The following LRCH3 variants were observed in gnomAD, a reference collection of about 807,000 sequenced individuals.
The protein encoded by LRCH3 is DISP complex protein LRCH3.
LRCH3 carries 68 observed loss-of-function variants against 104.5 expected under a neutral mutation model. That is an observed-to-expected ratio of 0.65 (90% confidence interval 0.54 to 0.80). The LOEUF (loss-of-function observed/expected upper bound fraction) is 0.80. Among genes scored for constraint, LRCH3 ranks in the 30% least tolerant of loss-of-function variants. The probability of loss-of-function intolerance (pLI) is 0.00; values close to 1 mark genes in which losing one functional copy is unlikely to be tolerated. For synonymous variants in LRCH3, 344 were observed against 361.3 expected (o/e 0.95, Z 0.54); for missense variants, 951 against 953.9 (o/e 1.00, Z 0.04).
intron 4 of LRCH3, among the ~76,000 whole-genome samples, chr3:197,824,209 C>T (rs551828219): frequency 4.9e-4 from 75 of 152,004 alleles, no homozygotes; most frequent in African/African-American, 1.7e-3. Flanking sequence ...GAATTACAGG[C>T]GCCCGCCACC....
At position 197,885,872 on chromosome 3, in the gene LRCH3, T is replaced by C. The variant is rs148435903; in HGVS notation, c.*2206T>C. 7 of 152,382 alleles carry C rather than the reference T, an allele frequency of 4.6e-5. No individual in the cohort carries two copies. Among genetic ancestry groups the C allele is most frequent in the African/African-American group, 1.7e-4 (7 of 41,600 alleles). The allele number at this position is 152,382 out of a possible 1,614,324, so 9.4% of individuals were successfully genotyped here. On this transcript the variant is annotated 3_prime_UTR_variant, in exon 21 of 21. Coordinates refer to ENST00000425562, the MANE Select transcript of LRCH3 (RefSeq NM_001365715.1). ...TAGTTGTTAACTGTTCTGGATTTTCTTTACAATGCATCCATTTGGGCATAA... is the reference window on the plus strand; with the variant it reads ...TAGTTGTTAACTGTTCTGGATTTTCCTTACAATGCATCCATTTGGGCATAA...
chr3:197,812,154 C>A (rs1037616581), intron 1 of LRCH3, among the ~76,000 whole-genome samples: 4 of 152,182 alleles, frequency 2.6e-5, no homozygotes, highest in Non-Finnish European at 5.9e-5. Context: ...CAGACTGCAA[C>A]ACTGTATGCG....
intron 17 of LRCH3, 71 bp downstream of exon 17, chr3:197,866,290 T>A (rs1400154582): frequency 9.3e-7 from 1 of 1,081,058 alleles, no homozygotes; most frequent in South Asian, 1.3e-5. Flanking sequence ...GTTAGATGGA[T>A]GCTTTTAAAC....
intron 1 of LRCH3, among the ~76,000 whole-genome samples, chr3:197,805,595 C>G (rs1732390463): frequency 6.6e-6 from 1 of 150,652 alleles, no homozygotes; most frequent in South Asian, 2.1e-4. Flanking sequence ...AGCCGACATG[C>G]AGAATGGTAA....
chr3:197,867,582 G>A (rs1711509216), intron 17 of LRCH3, among the ~76,000 whole-genome samples: 1 of 151,858 alleles, frequency 6.6e-6, no homozygotes, highest in Non-Finnish European at 1.5e-5. Flanking sequence ...GGCTGGGTGC[G>A]GTGGCTCACA....
chr3:197,864,513 G>A (rs1273298014), intron 15 of LRCH3, among the ~76,000 whole-genome samples: 3 of 148,678 alleles, frequency 2.0e-5, no homozygotes, highest in African/African-American at 5.2e-5. Context: ...GGGAGGCTGA[G>A]GCAGGAGAAT....
intron 10 of LRCH3, among the ~76,000 whole-genome samples, chr3:197,847,088 C>T (rs566084226): frequency 1.3e-5 from 2 of 152,086 alleles, no homozygotes; most frequent in South Asian, 4.2e-4. Flanking sequence ...ATGGTGGTAA[C>T]GAAGATAATA....
chr3:197,880,113 T>C (rs536369895), intron 20 of LRCH3, among the ~76,000 whole-genome samples: 119 of 150,922 alleles, frequency 7.9e-4, no homozygotes, highest in African/African-American at 2.8e-3. Context: ...GCCCGGCTAA[T>C]TTTTTGTATT....
intron 6 of LRCH3, 143 bp downstream of exon 6, chr3:197,829,816 G>C (rs1006807971): frequency 1.6e-6 from 1 of 633,626 alleles, no homozygotes; most frequent in Non-Finnish European, 2.7e-6. Flanking sequence ...GTATTGTAAA[G>C]TTGATTACCT....
chr3:197,831,318 GT>G (rs1735906019), intron 7 of LRCH3: 1 of 153,014 alleles, frequency 6.5e-6, no homozygotes, highest in South Asian at 2.0e-4. Context: ...TTGATATTAT[GT>G]TTTCTGCTCT....
chr3:197,879,539 G>C (rs540747688), intron 20 of LRCH3, among the ~76,000 whole-genome samples: 7 of 151,840 alleles, frequency 4.6e-5, no homozygotes, highest in East Asian at 3.8e-4. Flanking sequence ...CCAGCTGCTC[G>C]GGAGGCTGAG....
At chr3:197,798,164 G>C (rs1259452457) in intron 1 of LRCH3, among the ~76,000 whole-genome samples, 1 of 152,148 alleles carries the variant, frequency 6.6e-6, no homozygotes, top group African/African-American at 2.4e-5. Context: ...GGGAAGCTGA[G>C]GTGGGAGAAT....
At position 197,866,214 on chromosome 3, in the gene LRCH3, A is replaced by G; in HGVS notation, c.1868A>G (p.Asn623Ser). 3 of 1,612,604 alleles carry G rather than the reference A, an allele frequency of 1.9e-6. No homozygotes were observed. Among genetic ancestry groups the G allele is most frequent in the Non-Finnish European group, 2.5e-6 (3 of 1,178,626 alleles). The change falls in exon 17 of 21, where the codon AAC becomes AGC. Residue 623 changes from asparagine (N) to serine (S), a missense_variant. Asn to Ser is a conservative substitution (Grantham distance 46). Coordinates refer to ENST00000425562, the MANE Select transcript of LRCH3 (RefSeq NM_001365715.1). ...CGAGCAGGTGTCAGGGCAGAAACCA[A>G]CAAAGGTAGGTGGTGGTGATTTTAA... Reference protein sequence around the residue: ...LFRAGVRAETNKGHASPLPPS... With the variant: ...LFRAGVRAETSKGHASPLPPS...
At chr3:197,840,754 C>CT (rs1398135095) in intron 10 of LRCH3, among the ~76,000 whole-genome samples, 10 of 152,208 alleles carry the variant, frequency 6.6e-5, no homozygotes, top group African/African-American at 2.2e-4. Context: ...CATTTATACT[C>CT]TTATCACTTA....
At chr3:197,880,634 G>C in intron 20 of LRCH3, 1 of 1,536,798 alleles carries the variant, frequency 6.5e-7, no homozygotes, top group Non-Finnish European at 8.7e-7. Context: ...TCTCTCTGCA[G>C]CTTCTGGGTT....
chr3:197,824,729 G>T (rs955916453), intron 4 of LRCH3, among the ~76,000 whole-genome samples: 1 of 151,072 alleles, frequency 6.6e-6, no homozygotes, highest in Non-Finnish European at 1.5e-5. Context: ...CCGCCACCAC[G>T]CCTGGCTAAC....
intron 15 of LRCH3, among the ~76,000 whole-genome samples, chr3:197,864,534 C>G (rs1469504369): frequency 6.8e-6 from 1 of 147,080 alleles, no homozygotes; most frequent in Non-Finnish European, 1.5e-5. Flanking sequence ...TGCTTGAACC[C>G]GGGAGGCGGA....
intron 18 of LRCH3, 39 bp downstream of exon 18, chr3:197,870,317 A>T (rs1401785164): frequency 1.3e-6 from 2 of 1,577,242 alleles, no homozygotes; most frequent in African/African-American, 1.3e-5. Context: ...TTTCAGTATT[A>T]CTGCTATAGA....
At chr3:197,860,633 TAGTA>T (rs370026597) in intron 15 of LRCH3, among the ~76,000 whole-genome samples, 12 of 152,116 alleles carry the variant, frequency 7.9e-5, no homozygotes, top group African/African-American at 2.2e-4. Flanking sequence ...TGTGGGTACA[TAGTA>T]AGTGTGTATA....
Sources: gnomAD v4.1 joint callset for allele counts (sites outside exome capture counted in the v4.1 genomes callset) on GRCh38, gnomAD v4.1.1 for gene constraint, MANE v1.5 for transcripts, NCBI Gene and HGNC (gene_info 2026-07-23, HGNC 2026-07-21) for gene names.